The following PKHD1 variants were observed in gnomAD, a reference collection of about 807,000 sequenced individuals.
PKHD1 encodes PKHD1 ciliary IPT domain containing fibrocystin/polyductin.
In PKHD1, 291 loss-of-function variants were observed where a neutral mutation model predicts 412.0. The ratio of observed to expected loss-of-function variants is 0.71; its 90% CI spans 0.64 to 0.78. The LOEUF (loss-of-function observed/expected upper bound fraction) is 0.78, where lower values mean the gene tolerates loss of function less well. Ranked by LOEUF, PKHD1 falls within the 30% of genes least tolerant of loss-of-function variation. The pLI, the probability that PKHD1 is intolerant of heterozygous loss-of-function variation, is 0.00. For missense variants in PKHD1, 4,825 were observed against 4,950.7 expected (o/e 0.97, Z 0.76); for synonymous variants, 1,777 against 1,821.5 (o/e 0.98, Z 0.62).
intron 60 of PKHD1, among the ~76,000 whole-genome samples, chr6:51,704,397 A>G (rs1779781597): frequency 6.6e-6 from 1 of 152,128 alleles, no homozygotes; most frequent in African/African-American, 2.4e-5. Context: ...GGAAGCCAGT[A>G]CAAGTTTTAT....
At chr6:51,825,382 CACTT>C (rs1307161678) in intron 52 of PKHD1, among the ~76,000 whole-genome samples, 1 of 152,130 alleles carries the variant, frequency 6.6e-6, no homozygotes, top group African/African-American at 2.4e-5. Flanking sequence ...TCTCTTGGAC[CACTT>C]ACTTTTGGAA....
intron 1 of PKHD1, among the ~76,000 whole-genome samples, chr6:52,086,015 A>T (rs1397798624): frequency 6.7e-6 from 1 of 149,192 alleles, no homozygotes; most frequent in East Asian, 1.9e-4. Flanking sequence ...TATATATTTA[A>T]TTATGTTTAT....
At chr6:51,620,496 G>A (rs553965321) in intron 66 of PKHD1, among the ~76,000 whole-genome samples, 2 of 152,088 alleles carry the variant, frequency 1.3e-5, no homozygotes, top group Admixed American at 6.5e-5. Context: ...GGGGGTAGAT[G>A]GTAATACTGT....
chr6:51,702,593 T>C (rs1779577770), intron 60 of PKHD1, among the ~76,000 whole-genome samples: 1 of 151,944 alleles, frequency 6.6e-6, no homozygotes, highest in Non-Finnish European at 1.5e-5. Context: ...CAAGTGTTTC[T>C]GAGAAATTGG....
chr6:51,914,598 G>T (rs1018624323), intron 37 of PKHD1, among the ~76,000 whole-genome samples: 1 of 151,882 alleles, frequency 6.6e-6, no homozygotes, highest in Non-Finnish European at 1.5e-5. Flanking sequence ...AACAAATTTT[G>T]TGCTAAGTTA....
At chr6:51,734,490 T>C (rs540924836) in intron 60 of PKHD1, among the ~76,000 whole-genome samples, 28 of 152,290 alleles carry the variant, frequency 1.8e-4, no homozygotes, top group African/African-American at 6.3e-4. Flanking sequence ...CCATAAATTG[T>C]ACTAGAAATT....
intron 49 of PKHD1, among the ~76,000 whole-genome samples, chr6:51,855,327 A>T (rs2151682251): frequency 6.6e-6 from 1 of 152,184 alleles, no homozygotes; most frequent in East Asian, 1.9e-4. Flanking sequence ...TGTTTTTTCG[A>T]TGGTAGCCTC....
At chr6:52,062,780 C>T (rs1447238598) in intron 13 of PKHD1, 120 bp from the exon 14 acceptor site, 6 of 1,192,212 alleles carry the variant, frequency 5.0e-6, no homozygotes, top group Non-Finnish European at 6.2e-6. Context: ...GGTAAGTCAA[C>T]CTAGAGCCAG....
At chr6:51,675,899 T>C (rs1185401671) in intron 60 of PKHD1, among the ~76,000 whole-genome samples, 1 of 152,222 alleles carries the variant, frequency 6.6e-6, no homozygotes, top group Non-Finnish European at 1.5e-5. Flanking sequence ...TGTATTTGTG[T>C]GTGCATGTGT....
At chr6:51,807,636 A>G (rs775225916) in intron 52 of PKHD1, among the ~76,000 whole-genome samples, 45 of 151,766 alleles carry the variant, frequency 3.0e-4, no homozygotes, top group Non-Finnish European at 4.9e-4. Flanking sequence ...CGTAAGAATG[A>G]GTGACTGCTG....
At chr6:52,023,166 G>GT (rs745532987) in intron 32 of PKHD1, among the ~76,000 whole-genome samples, 19 of 150,782 alleles carry the variant, frequency 1.3e-4, no homozygotes, top group Admixed American at 4.0e-4. Flanking sequence ...TGTTAAAGAG[G>GT]TTTTTTTTTA....
At chr6:51,762,757 A>G (rs1033591588) in intron 55 of PKHD1, among the ~76,000 whole-genome samples, 7 of 151,930 alleles carry the variant, frequency 4.6e-5, no homozygotes, top group African/African-American at 1.7e-4. Flanking sequence ...ACAAAGACTT[A>G]TTGAATTGAC....
chr6:52,019,556 A>G (rs1801097591), intron 33 of PKHD1, among the ~76,000 whole-genome samples: 1 of 152,252 alleles, frequency 6.6e-6, no homozygotes. Context: ...AAAGGTGATT[A>G]AGTAGATGCA....
At chr6:51,747,180 C>G (rs1785303588) in intron 58 of PKHD1, among the ~76,000 whole-genome samples, 1 of 152,118 alleles carries the variant, frequency 6.6e-6, no homozygotes, top group Admixed American at 6.6e-5. Flanking sequence ...GAAAGACAAA[C>G]CCACTGCCAG....
At chr6:51,967,535 T>C (rs1792996599) in intron 35 of PKHD1, among the ~76,000 whole-genome samples, 1 of 152,208 alleles carries the variant, frequency 6.6e-6, no homozygotes, top group African/African-American at 2.4e-5. Context: ...TAGTGAAGGA[T>C]ATACATTAAA....
chr6:52,065,933 A>G lies in PKHD1; in HGVS notation c.880+43T>C, dbSNP rs1582064004. ...ATACAGACATATAATCTCCTAGAGC[A>G]TCTAAAACTATGAACTATTTTCAGC... On this transcript the variant is annotated intron_variant, in intron 12 of 66. Transcript: ENST00000371117. The G allele has an allele frequency of 5.3e-6, 5 of 937,510 alleles. No individual in the cohort carries two copies. In the East Asian group the frequency reaches 1.2e-4, roughly 22 times the overall value. 58.1% of individuals were successfully genotyped at this position (937,510 alleles called of 1,614,324 possible). A position where few individuals can be genotyped will look rare whatever the true frequency, so the allele number is the denominator to read the frequency against.
intron 41 of PKHD1, among the ~76,000 whole-genome samples, chr6:51,905,054 T>C (rs1326845439): frequency 6.6e-6 from 1 of 152,226 alleles, no homozygotes; most frequent in Non-Finnish European, 1.5e-5. Flanking sequence ...ACAGTTTCCA[T>C]CTCAGGATAG....
intron 61 of PKHD1, 134 bp from the exon 62 acceptor site, chr6:51,649,354 T>C: frequency 1.4e-6 from 1 of 707,342 alleles, no homozygotes; most frequent in Non-Finnish European, 2.5e-6. Flanking sequence ...ATACATTGTG[T>C]AGTGAACATG....
At chr6:51,724,388 A>T (rs967700637) in intron 60 of PKHD1, among the ~76,000 whole-genome samples, 3 of 152,202 alleles carry the variant, frequency 2.0e-5, no homozygotes, top group Admixed American at 6.5e-5. Context: ...CCTATAAAGA[A>T]GGTATTTAAG....
Sources: allele counts gnomAD v4.1 joint callset (sites outside exome capture counted in the v4.1 genomes callset), GRCh38; gene constraint gnomAD v4.1.1; transcripts MANE v1.5; gene names NCBI Gene and HGNC (gene_info 2026-07-23, HGNC 2026-07-21).